The following VGLL4 variants were observed in gnomAD, a reference collection of about 807,000 sequenced individuals.
VGLL4 encodes transcription cofactor vestigial-like protein 4.
In VGLL4, 7 loss-of-function variants were observed where a neutral mutation model predicts 21.0. The observed-to-expected ratio is 0.33, with a 90% CI of 0.19 to 0.63. VGLL4 has a LOEUF of 0.63. Ranked by LOEUF, VGLL4 falls within the 20% of genes least tolerant of loss-of-function variation. VGLL4 has a pLI of 0.78. For missense variants in VGLL4, 394 were observed against 425.7 expected (o/e 0.93, Z 0.66); for synonymous variants, 222 against 173.2 (o/e 1.28, Z -2.21).
intron 2 of VGLL4, among the ~76,000 whole-genome samples, chr3:11,691,506 A>C (rs998722256): frequency 6.6e-6 from 1 of 152,208 alleles, no homozygotes; most frequent in Non-Finnish European, 1.5e-5. Flanking sequence ...TACACCCATC[A>C]TGGCTGATTT....
intron 1 of VGLL4, among the ~76,000 whole-genome samples, chr3:11,711,432 C>T (rs1300943359): frequency 1.3e-5 from 2 of 151,404 alleles, no homozygotes; most frequent in East Asian, 2.0e-4. Context: ...GGCATGGTGG[C>T]AGGCACCTGT....
chr3:11,711,354 A>G (rs2076840759), intron 1 of VGLL4, among the ~76,000 whole-genome samples: 2 of 151,968 alleles, frequency 1.3e-5, no homozygotes, highest in Admixed American at 1.3e-4. Flanking sequence ...CCCGGCTAAC[A>G]TGGTGAAACC....
chr3:11,566,190 AGAATGTTACACACACACT>A (rs2073495204), intron 2 of VGLL4, among the ~76,000 whole-genome samples: 1 of 152,164 alleles, frequency 6.6e-6, no homozygotes, highest in African/African-American at 2.4e-5. Flanking sequence ...GCATGCACAC[AGAATGTTACACACACACT>A]GAATGTTACA....
At chr3:11,645,394 T>G (rs1208858055), upstream of VGLL4, among the ~76,000 whole-genome samples, 1 of 146,970 alleles carries the variant, frequency 6.8e-6, no homozygotes, top group Non-Finnish European at 1.5e-5. Flanking sequence ...ATCGAGACCA[T>G]CCTGGCTAAC....
chr3:11,675,830 G>A (rs1392141699), intron 2 of VGLL4, among the ~76,000 whole-genome samples: 1 of 152,134 alleles, frequency 6.6e-6, no homozygotes, highest in Non-Finnish European at 1.5e-5. Flanking sequence ...AAAACAAACT[G>A]TTCAGTTAAC....
At chr3:11,571,551 G>C (rs2125168177) in intron 2 of VGLL4, among the ~76,000 whole-genome samples, 1 of 151,734 alleles carries the variant, frequency 6.6e-6, no homozygotes, top group Non-Finnish European at 1.5e-5. Flanking sequence ...GGGCATGGTA[G>C]CGCCTGTAAT....
Position 11,719,265 on chromosome 3 carries a change from G to C in VGLL4, c.-14+1129C>G, listed in dbSNP as rs1220624061. On this transcript the variant is annotated intron_variant, in intron 1 of 5. Coordinates refer to the VGLL4 transcript ENST00000273038. This position sits in a 1 kb window ranked among gnomAD's most constrained non-coding sequence, Gnocchi z 4.0. ...GAGCCTAGGCGCTTCCGCTCCCACCGGCGCCTCCCGAGCGGCCCGGCAAGG... is the reference window on the plus strand; with the variant it reads ...GAGCCTAGGCGCTTCCGCTCCCACCCGCGCCTCCCGAGCGGCCCGGCAAGG... Among the ~76,000 whole-genome samples the C allele has an allele frequency of 6.6e-6, 1 of 152,066 alleles. No homozygotes were observed. The highest frequency in any genetic ancestry group is 1.5e-5 in the Non-Finnish European group (1 of 67,996).
At chr3:11,686,690 T>C (rs2076453892) in intron 2 of VGLL4, among the ~76,000 whole-genome samples, 1 of 152,216 alleles carries the variant, frequency 6.6e-6, no homozygotes, top group Non-Finnish European at 1.5e-5. Context: ...TAAAAAACAA[T>C]TTTTTAATCA....
At chr3:11,643,971 T>C, upstream of VGLL4, 1 of 991,392 alleles carries the variant, frequency 1.0e-6, no homozygotes, top group Non-Finnish European at 1.2e-6. Context: ...CCGAGCATGC[T>C]CACTGCGCCG....
At chr3:11,655,374 C>T (rs2075942721) in intron 2 of VGLL4, among the ~76,000 whole-genome samples, 1 of 152,192 alleles carries the variant, frequency 6.6e-6, no homozygotes, top group South Asian at 2.1e-4. Flanking sequence ...GAGTTAGTTG[C>T]TCGTGGGCAG....
chr3:11,564,244 A>G (rs893992850), intron 3 of VGLL4, among the ~76,000 whole-genome samples: 1 of 151,976 alleles, frequency 6.6e-6, no homozygotes, highest in Admixed American at 6.5e-5. Context: ...TTAATTTCCT[A>G]TTTTCCTTTC....
At chr3:11,674,115 G>T (rs1249157553) in intron 2 of VGLL4, among the ~76,000 whole-genome samples, 1 of 149,262 alleles carries the variant, frequency 6.7e-6, no homozygotes, top group African/African-American at 2.5e-5. Context: ...AAACCCTGAA[G>T]AAAAATCTAC....
chr3:11,604,252 G>A (rs2074877262), intron 1 of VGLL4: 12 of 479,192 alleles, frequency 2.5e-5, no homozygotes, highest in Non-Finnish European at 3.1e-5. Context: ...GGCGCCGGAA[G>A]GAGCCCAGGA....
rs906451292 is a variant in VGLL4, at chr3:11,624,526, AT to A, written c.82+18910del. 1.0e-4 allele frequency among the ~76,000 whole-genome samples: 15 copies of A among 149,970 alleles called. No homozygotes were observed. In the South Asian group the frequency reaches 3.2e-3, roughly 32 times the overall value. On this transcript the variant is annotated intron_variant, in intron 1 of 4. Transcript: ENST00000430365. ...TTTCAAATAATGACGTCTTTCTCTA[AT>A]TTTTTTTTTAATGTTTGCCTCTTGA...
upstream of VGLL4, chr3:11,643,919 T>A: frequency 9.9e-7 from 1 of 1,008,556 alleles, no homozygotes; most frequent in Non-Finnish European, 1.2e-6. Flanking sequence ...GGGCTATGCT[T>A]GGCATGACTC....
rs2076965118 is a variant in VGLL4, at chr3:11,719,569, A to T, written c.-14+825T>A. ...CCGAGCCCCCGCACGGGCCCCCGCC[A>T]AACACGCACACGCACACGCACGCGC... On this transcript the variant is annotated intron_variant, in intron 1 of 5. Coordinates refer to the VGLL4 transcript ENST00000273038. This position sits in a 1 kb window ranked among gnomAD's most constrained non-coding sequence, Gnocchi z 4.0. The T allele has an allele frequency of 6.6e-6, 1 of 151,520 alleles. No homozygotes were observed. The highest frequency in any genetic ancestry group is 1.5e-5 in the Non-Finnish European group (1 of 67,884). The allele number at this position is 151,520 out of a possible 1,614,324, so 9.4% of individuals were successfully genotyped here.
chr3:11,559,186 G>A (rs976279486), intron 4 of VGLL4, 146 bp downstream of exon 4: 52 of 1,347,956 alleles, frequency 3.9e-5, no homozygotes, highest in East Asian at 1.8e-4. Context: ...AACGCTAGGC[G>A]CACACTGGAC....
chr3:11,606,502 T>C (rs977221043), intron 1 of VGLL4, among the ~76,000 whole-genome samples: 1 of 152,116 alleles, frequency 6.6e-6, no homozygotes, highest in Non-Finnish European at 1.5e-5. Flanking sequence ...CATTGAGAGG[T>C]GAGGCCAGCT....
intron 2 of VGLL4, among the ~76,000 whole-genome samples, chr3:11,702,543 C>G (rs1448863415): frequency 6.6e-6 from 1 of 150,854 alleles, no homozygotes; most frequent in African/African-American, 2.4e-5. Context: ...GCAGCAGAAT[C>G]ACTTGAACCT....
Sources: allele counts gnomAD v4.1 joint callset (sites outside exome capture counted in the v4.1 genomes callset), GRCh38; gene constraint gnomAD v4.1.1; non-coding constraint Gnocchi (gnomAD v3.1); transcripts MANE v1.5; gene names NCBI Gene and HGNC (gene_info 2026-07-23, HGNC 2026-07-21).